Variants in CWC27 observed in about 807,000 individuals in gnomAD.
The protein encoded by CWC27 is CWC27 spliceosome associated cyclophilin, also known as spliceosome-associated protein CWC27 homolog.
Under a neutral mutation model 63.6 loss-of-function variants are expected in CWC27, and 47 were observed. The ratio of observed to expected loss-of-function variants is 0.74; its 90% CI spans 0.58 to 0.94. The LOEUF (loss-of-function observed/expected upper bound fraction) is 0.94, where lower values mean the gene tolerates loss of function less well. Ranked by LOEUF, CWC27 falls within the 40% of genes least tolerant of loss-of-function variation. The pLI, the probability that CWC27 is intolerant of heterozygous loss-of-function variation, is 0.00. For missense variants in CWC27, 495 were observed against 554.3 expected (o/e 0.89, Z 1.07); for synonymous variants, 175 against 179.8 (o/e 0.97, Z 0.22).
chr5:65,001,820 G>T (rs1411475653), intron 13 of CWC27, among the ~76,000 whole-genome samples: 3 of 151,626 alleles, frequency 2.0e-5, no homozygotes, highest in African/African-American at 7.3e-5. Flanking sequence ...TGGTTACCGG[G>T]TAGTGATGGT....
chr5:64,944,549 C>T (rs1048788731), intron 11 of CWC27, among the ~76,000 whole-genome samples: 4 of 152,218 alleles, frequency 2.6e-5, no homozygotes, highest in Non-Finnish European at 5.9e-5. Context: ...GCATCTGAAA[C>T]TTAACATGTC....
At chr5:64,778,745 T>C (rs1743548137) in intron 2 of CWC27, among the ~76,000 whole-genome samples, 1 of 152,164 alleles carries the variant, frequency 6.6e-6, no homozygotes, top group African/African-American at 2.4e-5. Flanking sequence ...AATGGTTACC[T>C]AGGAATATAG....
intron 10 of CWC27, among the ~76,000 whole-genome samples, chr5:64,809,085 G>A (rs1251367910): frequency 6.6e-6 from 1 of 151,868 alleles, no homozygotes; most frequent in East Asian, 1.9e-4. Context: ...TTCACCTCTT[G>A]CCCCATTCTA....
chr5:64,952,828 A>C (rs1748737230), intron 11 of CWC27, among the ~76,000 whole-genome samples: 1 of 152,128 alleles, frequency 6.6e-6, no homozygotes, highest in Non-Finnish European at 1.5e-5. Context: ...AAGAATTAGC[A>C]GTATTAATTT....
At chr5:64,999,776 G>A (rs1033291730) in intron 13 of CWC27, among the ~76,000 whole-genome samples, 8 of 151,990 alleles carry the variant, frequency 5.3e-5, no homozygotes, top group Non-Finnish European at 1.2e-4. Context: ...CTTAGCTATT[G>A]TAAATAGTGC....
rs1749517702 is a variant in CWC27, at chr5:64,990,341, T to C, written c.1256+13103T>C. ...GTGCAGTGGCGGGATCTCGGCTCAC[T>C]GCAAGCTCCGCCTCCCGGGTTCACG... is the stretch of plus-strand genomic sequence containing the variant. On this transcript the variant is annotated intron_variant, in intron 13 of 13. Transcript: ENST00000381070. 4.1e-5 allele frequency among the ~76,000 whole-genome samples: 2 copies of C among 48,198 alleles called. 1 individual carries two copies. The highest frequency in any genetic ancestry group is 1.7e-4 in the African/African-American group (2 of 11,710). The allele number at this position is 48,198 out of a possible 152,430, so 31.6% of individuals were successfully genotyped here.
At chr5:64,802,919 C>T (rs911202552) in intron 9 of CWC27, among the ~76,000 whole-genome samples, 6 of 152,028 alleles carry the variant, frequency 3.9e-5, no homozygotes, top group African/African-American at 1.4e-4. Context: ...TGAATCCTTT[C>T]CCAGGAAAAT....
At chr5:64,911,688 A>G (rs1258742439) in intron 11 of CWC27, among the ~76,000 whole-genome samples, 1 of 152,166 alleles carries the variant, frequency 6.6e-6, no homozygotes, top group Non-Finnish European at 1.5e-5. Context: ...TAGGGACTGA[A>G]GTCCAGGGTC....
At position 64,813,212 on chromosome 5, in the gene CWC27, G is replaced by A. The variant is rs1489392354; in HGVS notation, c.938+8826G>A. Among the ~76,000 whole-genome samples, 5 of 152,050 alleles carry A rather than the reference G, an allele frequency of 3.3e-5. No individual in the cohort carries two copies. The South Asian group carries it at 8.3e-4, about 25-fold the overall frequency. On this transcript the variant is annotated intron_variant, in intron 10 of 13. Transcript: ENST00000381070. Reference sequence around the variant, plus strand: ...TGTAATAGAAACCATACTATATTTAGCATTTCTGGCAAGCTTCCATTTTTC... The same window carrying A: ...TGTAATAGAAACCATACTATATTTAACATTTCTGGCAAGCTTCCATTTTTC...
chr5:64,839,355 T>C (rs1318970047), intron 10 of CWC27, among the ~76,000 whole-genome samples: 1 of 152,202 alleles, frequency 6.6e-6, no homozygotes, highest in Non-Finnish European at 1.5e-5. Context: ...TACAGAAGTA[T>C]GTAATGGGTG....
chr5:64,953,841 C>G (rs1748754327), intron 11 of CWC27, among the ~76,000 whole-genome samples: 1 of 152,154 alleles, frequency 6.6e-6, no homozygotes, highest in Non-Finnish European at 1.5e-5. Context: ...TGCTCACAGA[C>G]ATTAAGCCTA....
chr5:64,983,216 AC>A (rs1484853362), intron 13 of CWC27, among the ~76,000 whole-genome samples: 4 of 152,110 alleles, frequency 2.6e-5, no homozygotes, highest in African/African-American at 9.7e-5. Context: ...TAAACAACAT[AC>A]TTTAATTTAA....
intron 12 of CWC27, among the ~76,000 whole-genome samples, chr5:64,973,482 A>G (rs949744569): frequency 4.6e-5 from 7 of 152,238 alleles, no homozygotes; most frequent in African/African-American, 1.7e-4. Context: ...CTGAAAGAGC[A>G]TTCCTGGAAG....
At chr5:64,777,949 CATTT>C (rs879613769) in intron 2 of CWC27, among the ~76,000 whole-genome samples, 1 of 151,916 alleles carries the variant, frequency 6.6e-6, no homozygotes, top group African/African-American at 2.4e-5. Flanking sequence ...AATTTTTACT[CATTT>C]ATATATAGTA....
At chr5:64,899,466 G>GA (rs1199157641) in intron 11 of CWC27, among the ~76,000 whole-genome samples, 1 of 151,906 alleles carries the variant, frequency 6.6e-6, no homozygotes, top group Non-Finnish European at 1.5e-5. Flanking sequence ...GTAAACTAAG[G>GA]AAAAAAAGAA....
chr5:64,929,304 C>T (rs1748185939), intron 11 of CWC27, among the ~76,000 whole-genome samples: 1 of 152,062 alleles, frequency 6.6e-6, no homozygotes, highest in African/African-American at 2.4e-5. Context: ...TGAAAGGAAC[C>T]AGGGTAATTT....
chr5:64,940,576 C>T (rs993905848), intron 11 of CWC27, among the ~76,000 whole-genome samples: 2 of 152,138 alleles, frequency 1.3e-5, no homozygotes, highest in African/African-American at 2.4e-5. Flanking sequence ...TGCCAGCTAC[C>T]ACCTGCACCT....
At chr5:64,899,145 T>C (rs1261389276) in intron 11 of CWC27, among the ~76,000 whole-genome samples, 3 of 152,156 alleles carry the variant, frequency 2.0e-5, no homozygotes, top group African/African-American at 7.2e-5. Context: ...AGGGAGAAAA[T>C]TACTAGATTC....
At chr5:64,955,507 CA>C (rs1471653447) in intron 11 of CWC27, among the ~76,000 whole-genome samples, 5 of 152,134 alleles carry the variant, frequency 3.3e-5, no homozygotes, top group African/African-American at 1.2e-4. Context: ...TGCTAGCCTA[CA>C]ATTCACAGCA....
Sources: gnomAD v4.1 joint callset for allele counts (sites outside exome capture counted in the v4.1 genomes callset) on GRCh38, gnomAD v4.1.1 for gene constraint, MANE v1.5 for transcripts, NCBI Gene and HGNC (gene_info 2026-07-23, HGNC 2026-07-21) for gene names.